PRKG1: variants seen among roughly 807,000 people sequenced by gnomAD.
The protein encoded by PRKG1 is protein kinase cGMP-dependent 1.
PRKG1 carries 35 observed loss-of-function variants against 88.1 expected under a neutral mutation model. The ratio of observed to expected loss-of-function variants is 0.40; its 90% CI spans 0.30 to 0.53. The LOEUF (loss-of-function observed/expected upper bound fraction) is 0.53, where lower values mean the gene tolerates loss of function less well. PRKG1 is among the 20% of genes least tolerant of loss of function. The probability of loss-of-function intolerance (pLI) is 0.59; values close to 1 mark genes in which losing one functional copy is unlikely to be tolerated. For missense variants in PRKG1, 540 were observed against 839.8 expected, an observed-to-expected ratio of 0.64 and a Z score of 4.41; for synonymous variants, 303 against 292.5, an observed-to-expected ratio of 1.04 and a Z score of -0.37.
At chr10:52,165,785 C>T (rs12264289) in intron 9 of PRKG1, among the ~76,000 whole-genome samples, 1,999 of 152,260 alleles carry the variant, frequency 0.013, 32 homozygotes, top group African/African-American at 0.045. Context: ...GCATTTAAAA[C>T]TTAAATGGTA....
chr10:52,116,896 A>G (rs892049552), intron 7 of PRKG1, among the ~76,000 whole-genome samples: 9 of 151,986 alleles, frequency 5.9e-5, no homozygotes, highest in African/African-American at 2.2e-4. Flanking sequence ...CCTAGGTCAC[A>G]CAGCTGATTA....
chr10:51,373,622 T>C (rs757289927), intron 2 of PRKG1, among the ~76,000 whole-genome samples: 2 of 152,076 alleles, frequency 1.3e-5, no homozygotes, highest in Non-Finnish European at 2.9e-5. Context: ...GTCCCTAGTA[T>C]GTGTTGTTCC....
chr10:52,037,994 C>T (rs573492985), intron 5 of PRKG1, among the ~76,000 whole-genome samples: 22 of 152,138 alleles, frequency 1.4e-4, no homozygotes, highest in South Asian at 6.2e-4. Flanking sequence ...AATGCCTGGA[C>T]GTCAGGCACC....
At chr10:51,707,310 C>G (rs1367057093) in intron 3 of PRKG1, among the ~76,000 whole-genome samples, 2 of 151,524 alleles carry the variant, frequency 1.3e-5, no homozygotes, top group Non-Finnish European at 2.9e-5. Flanking sequence ...GCTTATTTAA[C>G]ACCACATCGT....
intron 2 of PRKG1, among the ~76,000 whole-genome samples, chr10:51,461,717 A>G (rs1839749911): frequency 1.3e-5 from 2 of 152,198 alleles, no homozygotes; most frequent in East Asian, 3.9e-4. Context: ...TGCATCTCAC[A>G]GTGGGGTCAT....
intron 3 of PRKG1, among the ~76,000 whole-genome samples, chr10:51,531,017 G>A (rs560905520): frequency 2.0e-4 from 30 of 152,182 alleles, no homozygotes; most frequent in African/African-American, 7.0e-4. Flanking sequence ...ATTTTCTGAT[G>A]GAATGGGGGT....
At chr10:51,711,388 GC>G (rs1841747207) in intron 3 of PRKG1, among the ~76,000 whole-genome samples, 1 of 152,206 alleles carries the variant, frequency 6.6e-6, no homozygotes, top group Non-Finnish European at 1.5e-5. Flanking sequence ...ACAGGCGTGA[GC>G]CACTGCGCCT....
intron 4 of PRKG1, among the ~76,000 whole-genome samples, chr10:51,820,018 C>A (rs1209030105): frequency 1.3e-5 from 2 of 151,976 alleles, no homozygotes; most frequent in African/African-American, 4.8e-5. Context: ...AAAAATTATT[C>A]AATGTTCAAC....
At chr10:51,083,571 A>G (rs1844170933) in intron 1 of PRKG1, among the ~76,000 whole-genome samples, 1 of 150,884 alleles carries the variant, frequency 6.6e-6, no homozygotes. Flanking sequence ...GCGTGAGCTC[A>G]GGCTGAGGAG....
At chr10:52,103,378 C>T (rs1262859251) in intron 7 of PRKG1, among the ~76,000 whole-genome samples, 2 of 152,110 alleles carry the variant, frequency 1.3e-5, no homozygotes, top group Non-Finnish European at 1.5e-5. Context: ...GCTCTGCCAC[C>T]CAGAGACAGC....
At chr10:51,471,018 A>G (rs1441278014) in intron 3 of PRKG1, among the ~76,000 whole-genome samples, 3 of 152,010 alleles carry the variant, frequency 2.0e-5, no homozygotes, top group Admixed American at 1.3e-4. Context: ...AAATCGTGGT[A>G]TGATTCAGAT....
At chr10:51,939,214 T>A (rs1418221270) in intron 5 of PRKG1, among the ~76,000 whole-genome samples, 2 of 152,032 alleles carry the variant, frequency 1.3e-5, no homozygotes, top group Non-Finnish European at 2.9e-5. Context: ...TTATTTCCTT[T>A]TTTAGAATCT....
At chr10:51,498,579 G>A (rs1216945245) in intron 3 of PRKG1, among the ~76,000 whole-genome samples, 1 of 152,102 alleles carries the variant, frequency 6.6e-6, no homozygotes, top group African/African-American at 2.4e-5. Flanking sequence ...ATATCATGTT[G>A]TACATATAAT....
intron 1 of PRKG1, among the ~76,000 whole-genome samples, chr10:51,053,058 C>A (rs978205736): frequency 6.6e-6 from 1 of 151,858 alleles, no homozygotes; most frequent in African/African-American, 2.4e-5. Flanking sequence ...AGTGAAACCC[C>A]GTCTCTACTA....
At chr10:51,018,206 A>AT (rs1843093585) in intron 1 of PRKG1, among the ~76,000 whole-genome samples, 1 of 152,098 alleles carries the variant, frequency 6.6e-6, no homozygotes, top group Admixed American at 6.5e-5. Context: ...ACTTATCTTT[A>AT]TTTCCCCTTT....
At chr10:52,252,634 T>G (rs1284202140) in intron 10 of PRKG1, 2 of 152,242 alleles carry the variant, frequency 1.3e-5, no homozygotes, top group African/African-American at 2.4e-5. Flanking sequence ...TATATTTGTC[T>G]ATTTGTATTG....
chr10:51,515,740 T>A (rs112900630), intron 3 of PRKG1, among the ~76,000 whole-genome samples: 2 of 152,196 alleles, frequency 1.3e-5, no homozygotes, highest in African/African-American at 4.8e-5. Context: ...TTGACTCCTT[T>A]GTGAAACTCG....
At chr10:52,001,375 A>G (rs78818900) in intron 5 of PRKG1, among the ~76,000 whole-genome samples, 1 of 151,936 alleles carries the variant, frequency 6.6e-6, no homozygotes, top group African/African-American at 2.4e-5. Flanking sequence ...AAAAAAAAAA[A>G]ACATAACTAT....
intron 5 of PRKG1, among the ~76,000 whole-genome samples, chr10:51,947,908 CA>C: frequency 6.6e-6 from 1 of 152,256 alleles, no homozygotes; most frequent in East Asian, 1.9e-4. Context: ...AAGGAAAACT[CA>C]GCAGACGGCA....
Sources: allele counts gnomAD v4.1 joint callset (sites outside exome capture counted in the v4.1 genomes callset), GRCh38; gene constraint gnomAD v4.1.1; transcripts MANE v1.5; gene names NCBI Gene and HGNC (gene_info 2026-07-23, HGNC 2026-07-21).